The following SLC9B1 variants were observed in gnomAD, a reference collection of about 807,000 sequenced individuals.
The protein encoded by SLC9B1 is sodium/hydrogen exchanger 9B1.
In SLC9B1, 32 loss-of-function variants were observed where a neutral mutation model predicts 51.7. The ratio of observed to expected loss-of-function variants is 0.62; its 90% CI spans 0.47 to 0.83. The LOEUF (loss-of-function observed/expected upper bound fraction) is 0.83. SLC9B1 is among the 40% of genes least tolerant of loss of function. SLC9B1 has a pLI of 0.00. For missense variants in SLC9B1, 406 were observed against 613.2 expected (o/e 0.66, Z 3.57); for synonymous variants, 145 against 212.7 (o/e 0.68, Z 2.77).
chr4:103,019,522 C>T, intron 1 of SLC9B1, 77 bp downstream of exon 1: 1 of 960,216 alleles, frequency 1.0e-6, no homozygotes, highest in Non-Finnish European at 1.2e-6. Context: ...CGGCCTACCG[C>T]AAGGAAACGA....
intron 3 of SLC9B1, chr4:102,962,581 A>G: frequency 2.1e-6 from 1 of 474,774 alleles, no homozygotes; most frequent in South Asian, 1.5e-5. Context: ...TAATGAGTAT[A>G]GTCATTGACA....
At chr4:102,957,922 C>T (rs140812022) in intron 3 of SLC9B1, among the ~76,000 whole-genome samples, 4,794 of 152,182 alleles carry the variant, frequency 0.032, 243 homozygotes, top group African/African-American at 0.11. Context: ...TGCTATATAA[C>T]ACTGGAATTA....
At chr4:102,964,163 A>G (rs1369251253) in intron 3 of SLC9B1, among the ~76,000 whole-genome samples, 1 of 152,100 alleles carries the variant, frequency 6.6e-6, no homozygotes, top group Non-Finnish European at 1.5e-5. Flanking sequence ...AGAAAATAGC[A>G]TAATAACTTT....
chr4:102,923,944 A>G (rs1481932660), intron 7 of SLC9B1, among the ~76,000 whole-genome samples: 3 of 152,160 alleles, frequency 2.0e-5, no homozygotes, highest in Admixed American at 6.5e-5. Flanking sequence ...ATGCTCATGG[A>G]TAGGAAGAAT....
At chr4:102,979,985 G>A (rs1005275851) in intron 3 of SLC9B1, among the ~76,000 whole-genome samples, 11 of 151,958 alleles carry the variant, frequency 7.2e-5, no homozygotes, top group Admixed American at 6.6e-4. Flanking sequence ...GCCAGCAAAC[G>A]TATGAAAAAA....
chr4:102,962,283 T>C (rs959015708), intron 3 of SLC9B1: 19 of 539,996 alleles, frequency 3.5e-5, no homozygotes, highest in African/African-American at 2.9e-4. Context: ...GATGAAGCCA[T>C]TGATAAATCT....
At position 103,019,604 on chromosome 4, in the gene SLC9B1, A is replaced by T. The variant is rs1209538984; in HGVS notation, c.-7T>A. On this transcript the variant is annotated 5_prime_UTR_variant, in exon 1 of 12. In the 5' UTR this introduces an upstream ATG that the reference lacks. Coordinates refer to ENST00000296422, the MANE Select transcript of SLC9B1 (RefSeq NM_139173.4). ...TTAAGAAAAATGGGCCGTACCTACA[A>T]CTTCTTTCGCAGCCCTCGCTGGCCC... 2.0e-6 allele frequency: 2 copies of T among 985,336 alleles called. No homozygotes were observed. Among genetic ancestry groups the T allele is most frequent in the Non-Finnish European group, 2.4e-6 (2 of 829,944 alleles). The allele number at this position is 985,336 out of a possible 1,614,324, so 61.0% of individuals were successfully genotyped here.
chr4:102,890,945 C>T (rs973781705), intron 11 of SLC9B1: 1 of 148,458 alleles, frequency 6.7e-6, no homozygotes, highest in African/African-American at 2.6e-5. Flanking sequence ...AATATCTCAG[C>T]ATTGTAGGAA....
At chr4:102,934,863 G>C (rs1736641430) in intron 6 of SLC9B1, among the ~76,000 whole-genome samples, 1 of 151,674 alleles carries the variant, frequency 6.6e-6, no homozygotes, top group African/African-American at 2.4e-5. Flanking sequence ...CATAAAAAGA[G>C]ATTTTGATAC....
chr4:102,963,583 T>C (rs1738256733), intron 3 of SLC9B1, among the ~76,000 whole-genome samples: 1 of 152,208 alleles, frequency 6.6e-6, no homozygotes, highest in Admixed American at 6.5e-5. Flanking sequence ...CTCCTCCTTT[T>C]CACTTGAGCT....
chr4:102,912,806 A>G (rs1223007571), intron 7 of SLC9B1, among the ~76,000 whole-genome samples: 1 of 152,182 alleles, frequency 6.6e-6, no homozygotes, highest in Non-Finnish European at 1.5e-5. Context: ...TGAGCTCAGG[A>G]GTTTGAGGCT....
At chr4:102,986,871 A>AT (rs973937354) in intron 3 of SLC9B1, among the ~76,000 whole-genome samples, 8 of 151,864 alleles carry the variant, frequency 5.3e-5, no homozygotes, top group Non-Finnish European at 1.2e-4. Flanking sequence ...CATGTTTTCT[A>AT]TTTTTTTCCG....
rs1363974589 is a variant in SLC9B1 at position 102,933,792 on chromosome 4, A to T, written c.654-1493T>A. ...AAAACACAAAATATCTAAGAAAAAA[A>T]CTGTGAAGATAGTCTATACTTTTAT... On this transcript the variant is annotated intron_variant, in intron 6 of 11. Coordinates refer to ENST00000296422, the MANE Select transcript of SLC9B1 (RefSeq NM_139173.4). Among the ~76,000 whole-genome samples the T allele has an allele frequency of 3.3e-5, 5 of 152,348 alleles. No homozygotes were observed. In the East Asian group the frequency reaches 7.7e-4, roughly 23 times the overall value.
intron 3 of SLC9B1, among the ~76,000 whole-genome samples, chr4:102,956,316 A>G (rs1464291808): frequency 3.1e-5 from 1 of 32,394 alleles, no homozygotes; most frequent in Non-Finnish European, 5.2e-5. Flanking sequence ...AGTATTACTA[A>G]AAAAAAAAAA....
intron 6 of SLC9B1, among the ~76,000 whole-genome samples, chr4:102,935,856 C>A (rs1301005025): frequency 6.6e-6 from 1 of 152,222 alleles, no homozygotes; most frequent in Non-Finnish European, 1.5e-5. Context: ...AGCACCATTG[C>A]CCTGGCTGAC....
In SLC9B1 at chr4:102,890,840, T is replaced by TAAAA. The variant is rs199492699; in HGVS notation, c.1333-5516_1333-5513dup. ...GGGCAACAGAAGTGAAACCCTATCT[T>TAAAA]AAAAAAAAAAAAAGTCTTTTTTTTT... On this transcript the variant is annotated intron_variant, in intron 11 of 11. Coordinates refer to the SLC9B1 transcript ENST00000394789. 3.0e-4 allele frequency: 23 copies of TAAAA among 76,230 alleles called. 1 individual carries two copies. Among genetic ancestry groups the TAAAA allele is most frequent in the African/African-American group, 4.3e-4 (5 of 11,584 alleles). 4.7% of individuals were successfully genotyped at this position (76,230 alleles called of 1,614,324 possible).
At chr4:102,957,149 G>T (rs191880549) in intron 3 of SLC9B1, among the ~76,000 whole-genome samples, 2 of 152,012 alleles carry the variant, frequency 1.3e-5, no homozygotes, top group African/African-American at 2.4e-5. Context: ...AAAAAAGAAC[G>T]AAGAATAATA....
intron 11 of SLC9B1, 36 bp from the exon 12 acceptor site, chr4:102,901,368 A>T (rs767594130): frequency 1.2e-6 from 2 of 1,608,536 alleles, no homozygotes; most frequent in Non-Finnish European, 1.7e-6. Context: ...ATAAAGAAAA[A>T]TATTAAACTG....
rs201880002 is a variant in SLC9B1 at position 102,989,884 on chromosome 4, T to C, written c.127A>G (p.Thr43Ala). The change falls in exon 3 of 12, where the codon ACA (threonine) becomes GCA (alanine). Residue 43 changes from threonine to alanine, a missense_variant. This residue lies in a region of SLC9B1 where 108 missense variants were observed against 94.5 expected (regional missense o/e 1.14). Coordinates refer to ENST00000296422, the MANE Select transcript of SLC9B1 (RefSeq NM_139173.4). Reference protein sequence around the residue: ...QEETKTVLSDTEEIKPQTKKE... With the variant: ...QEETKTVLSDAEEIKPQTKKE... ...TTTGTCTGTGGTTTTATTTCTTCTG[T>C]ATCTGATAAGACAGTTTTAGTTTCT... The C allele has an allele frequency of 1.2e-6, 2 of 1,600,086 alleles. No individual in the cohort carries two copies. The highest frequency in any genetic ancestry group is 2.2e-5 in the East Asian group (1 of 44,452).
Sources: gnomAD v4.1 joint callset for allele counts (sites outside exome capture counted in the v4.1 genomes callset) on GRCh38, gnomAD v4.1.1 for gene constraint, gnomAD v4.1.1 regional missense constraint, MANE v1.5 for transcripts, NCBI Gene and HGNC (gene_info 2026-07-23, HGNC 2026-07-21) for gene names.